The following GREM2 variants were observed in gnomAD, a reference collection of about 807,000 sequenced individuals.
GREM2 encodes gremlin-2.
A neutral mutation model predicts 14.2 loss-of-function variants in GREM2; 11 were observed. That is an observed-to-expected ratio of 0.78 (90% CI 0.49 to 1.28). The LOEUF (loss-of-function observed/expected upper bound fraction) is 1.28, where lower values mean the gene tolerates loss of function less well. GREM2 is among the 50% of genes most tolerant of loss of function. The probability of loss-of-function intolerance (pLI) is 0.00; values close to 1 mark genes in which losing one functional copy is unlikely to be tolerated. For missense variants in GREM2, 210 were observed against 218.5 expected (o/e 0.96, Z 0.24); for synonymous variants, 98 against 97.6 (o/e 1.00, Z -0.02).
At chr1:240,577,848 C>T (rs1437124378) in intron 1 of GREM2, among the ~76,000 whole-genome samples, 1 of 152,190 alleles carries the variant, frequency 6.6e-6, no homozygotes, top group Non-Finnish European at 1.5e-5. Context: ...CAGGCTCAGA[C>T]ACATCTATGT....
chr1:240,500,923 G>A (rs1332714044), intron 1 of GREM2, among the ~76,000 whole-genome samples: 4 of 152,140 alleles, frequency 2.6e-5, no homozygotes, highest in Non-Finnish European at 4.4e-5. Flanking sequence ...TGACTAAGTT[G>A]TGCCGAGTTG....
At chr1:240,602,427 A>T (rs963431453) in intron 1 of GREM2, among the ~76,000 whole-genome samples, 2 of 152,062 alleles carry the variant, frequency 1.3e-5, no homozygotes, top group Non-Finnish European at 2.9e-5. Flanking sequence ...CTCTACAGGG[A>T]CATTTATTCA....
chr1:240,502,524 G>A (rs902409895), intron 1 of GREM2, among the ~76,000 whole-genome samples: 22 of 151,948 alleles, frequency 1.4e-4, no homozygotes, highest in Non-Finnish European at 4.4e-5. Context: ...TCATGCCTAC[G>A]ACTTCAACTA....
intron 1 of GREM2, among the ~76,000 whole-genome samples, chr1:240,504,203 T>G (rs1210157371): frequency 1.3e-5 from 2 of 152,138 alleles, no homozygotes; most frequent in Non-Finnish European, 2.9e-5. Flanking sequence ...AAAAAAACTG[T>G]TCAGTACTAA....
intron 1 of GREM2, among the ~76,000 whole-genome samples, chr1:240,519,340 T>C (rs16840294): frequency 0.11 from 16,622 of 151,104 alleles, 1,025 homozygotes; most frequent in East Asian, 0.26. Flanking sequence ...CTAACTTCTC[T>C]AGTTTTTTTT....
chr1:240,542,457 A>AT lies in GREM2; in HGVS notation c.-1-48982_-1-48981insA, dbSNP rs1257041278. Reference sequence around the variant, plus strand: ...CCCATCTCTACTAAAAAAAAAAAAAAAAAAAAAATTAGCTGGGTGTGGTGG... The same window carrying AT: ...CCCATCTCTACTAAAAAAAAAAAAAATAAAAAAAATTAGCTGGGTGTGGTGG... On this transcript the variant is annotated intron_variant, in intron 1 of 1. Coordinates refer to ENST00000318160, the MANE Select transcript of GREM2 (RefSeq NM_022469.4). The surrounding 1 kb of genome is among the most constrained non-coding windows in gnomAD (Gnocchi z 4.1). 1.3e-5 allele frequency among the ~76,000 whole-genome samples: 2 copies of AT among 151,110 alleles called. No individual in the cohort carries two copies. Among genetic ancestry groups the AT allele is most frequent in the Non-Finnish European group, 2.9e-5 (2 of 67,810 alleles).
At chr1:240,496,784 C>T (rs951179102) in intron 1 of GREM2, among the ~76,000 whole-genome samples, 24 of 152,040 alleles carry the variant, frequency 1.6e-4, no homozygotes, top group Admixed American at 3.3e-4. Flanking sequence ...CCAAGGTGGG[C>T]GGATCCCCTG....
intron 1 of GREM2, among the ~76,000 whole-genome samples, chr1:240,601,757 A>G (rs1047396907): frequency 6.6e-6 from 1 of 152,034 alleles, no homozygotes; most frequent in Non-Finnish European, 1.5e-5. Context: ...AAATACAAAA[A>G]TTAGCCAGGC....
chr1:240,611,522 T>C (rs1213932086), intron 1 of GREM2, among the ~76,000 whole-genome samples: 3 of 152,204 alleles, frequency 2.0e-5, no homozygotes, highest in South Asian at 2.1e-4. Flanking sequence ...TTTCTAACAA[T>C]TGGATGGTGT....
rs138719116 is a variant in GREM2 at position 240,516,667 on chromosome 1, T to G, written c.-1-23191A>C. Among the ~76,000 whole-genome samples the G allele has an allele frequency of 4.9e-4, 74 of 152,308 alleles. 1 individual carries two copies. In the East Asian group the frequency reaches 9.1e-3, roughly 19 times the overall value. ...GTTTCTCAGGTTGTAATCTCTTGTC[T>G]AGATTTAAACAACAACAACAAAAAT... On this transcript the variant is annotated intron_variant, in intron 1 of 1. Transcript: ENST00000318160.
intron 1 of GREM2, among the ~76,000 whole-genome samples, chr1:240,595,846 C>T (rs1393043310): frequency 1.3e-5 from 2 of 152,220 alleles, no homozygotes; most frequent in Admixed American, 1.3e-4. Context: ...CTTAGTCTAG[C>T]ATGAAGGTTA....
chr1:240,564,965 A>G (rs889873915), intron 1 of GREM2, among the ~76,000 whole-genome samples: 16 of 152,210 alleles, frequency 1.1e-4, no homozygotes, highest in Admixed American at 5.9e-4. Context: ...CCCTTTCAGG[A>G]ATACTGTGTT....
chr1:240,529,239 C>CT (rs36061225), intron 1 of GREM2, among the ~76,000 whole-genome samples: 54,316 of 95,862 alleles, frequency 0.57, 15,623 homozygotes, highest in Admixed American at 0.66. Context: ...AGTGGATAGG[C>CT]TTTTTTTTTT....
intron 1 of GREM2, among the ~76,000 whole-genome samples, chr1:240,523,278 A>C (rs4659977): frequency 0.3 from 45,060 of 152,040 alleles, 7,622 homozygotes; most frequent in Admixed American, 0.39. Context: ...TCAGTTTCTG[A>C]TCATCACTCT....
chr1:240,573,807 C>T (rs1436495981), intron 1 of GREM2, among the ~76,000 whole-genome samples: 4 of 152,158 alleles, frequency 2.6e-5, no homozygotes, highest in Admixed American at 2.6e-4. Flanking sequence ...AGCCTGGGAC[C>T]TTCCATAGCC....
chr1:240,527,585 G>GGA (rs1678251778), intron 1 of GREM2, among the ~76,000 whole-genome samples: 1 of 152,112 alleles, frequency 6.6e-6, no homozygotes, highest in African/African-American at 2.4e-5. Flanking sequence ...GGAAGGAGAG[G>GGA]GACAAGGGAG....
intron 1 of GREM2, among the ~76,000 whole-genome samples, chr1:240,506,373 T>G (rs1677676406): frequency 6.6e-6 from 1 of 152,196 alleles, no homozygotes; most frequent in African/African-American, 2.4e-5. Context: ...AAGTCTCATA[T>G]TAAGTAATTT....
At chr1:240,597,162 A>T (rs1357481100) in intron 1 of GREM2, among the ~76,000 whole-genome samples, 1 of 152,208 alleles carries the variant, frequency 6.6e-6, no homozygotes, top group African/African-American at 2.4e-5. Flanking sequence ...GACCGTGGTT[A>T]CGATCCTTTA....
chr1:240,584,700 A>G (rs1047467002), intron 1 of GREM2, among the ~76,000 whole-genome samples: 1 of 152,004 alleles, frequency 6.6e-6, no homozygotes, highest in Non-Finnish European at 1.5e-5. Context: ...ACAGAGTGAT[A>G]CCCTGTCTCA....
Sources: allele counts gnomAD v4.1 joint callset (sites outside exome capture counted in the v4.1 genomes callset), GRCh38; gene constraint gnomAD v4.1.1; non-coding constraint Gnocchi (gnomAD v3.1); transcripts MANE v1.5; gene names NCBI Gene and HGNC (gene_info 2026-07-23, HGNC 2026-07-21).